The following FAAP20 variants were observed in gnomAD, a reference collection of about 807,000 sequenced individuals.
FAAP20 encodes the protein FA core complex associated protein 20, also known as Fanconi anemia core complex-associated protein 20.
A neutral mutation model predicts 16.2 loss-of-function variants in FAAP20; 12 were observed. The observed-to-expected ratio is 0.74, with a 90% CI of 0.48 to 1.20. The LOEUF (loss-of-function observed/expected upper bound fraction) is 1.20. Among genes scored for constraint, FAAP20 ranks in the 50% most tolerant of loss-of-function variants. The probability of loss-of-function intolerance (pLI) is 0.00; values close to 1 mark genes in which losing one functional copy is unlikely to be tolerated. For synonymous variants in FAAP20, 141 were observed against 110.7 expected (o/e 1.27, Z -1.72); for missense variants, 288 against 245.8 (o/e 1.17, Z -1.15).
upstream of FAAP20, among the ~76,000 whole-genome samples, chr1:2,196,513 C>T (rs1410943458): frequency 6.7e-6 from 1 of 149,584 alleles, no homozygotes; most frequent in Non-Finnish European, 1.5e-5. This position sits in a 1 kb window ranked among gnomAD's most constrained non-coding sequence, Gnocchi z 4.5. Flanking sequence ...GAGGCAAGAT[C>T]GTGCCACTGC....
chr1:2,201,153 A>C (rs1439646432), upstream of FAAP20: 3 of 1,276,518 alleles, frequency 2.4e-6, no homozygotes, highest in East Asian at 1.1e-4. Context: ...GTTTGCTTCA[A>C]CTTTCTGAGT....
At chr1:2,202,598 G>A (rs1689093316), upstream of FAAP20, among the ~76,000 whole-genome samples, 1 of 151,980 alleles carries the variant, frequency 6.6e-6, no homozygotes, top group Admixed American at 6.6e-5. Flanking sequence ...CAAGTAGCTG[G>A]GACTACAGGC....
At chr1:2,192,369 A>G (rs897137541) in intron 3 of FAAP20, 4 of 994,866 alleles carry the variant, frequency 4.0e-6, no homozygotes, top group Middle Eastern at 5.2e-4. Flanking sequence ...ACCTGACTTC[A>G]TTGACGCCTA....
upstream of FAAP20, chr1:2,194,795 C>A (rs1163256676): frequency 2.4e-4 from 260 of 1,068,412 alleles, no homozygotes; most frequent in Non-Finnish European, 2.8e-4. Context: ...CGCCCCCGCC[C>A]CTCCAGGCCC....
At chr1:2,205,057 T>TC (rs1302277548) in intron 3 of FAAP20, among the ~76,000 whole-genome samples, 2 of 39,402 alleles carry the variant, frequency 5.1e-5, no homozygotes, top group Admixed American at 5.7e-4. Context: ...TCACGCCCCG[T>TC]CCCCAAGCCC....
downstream of FAAP20, chr1:2,185,999 C>T (rs1439007965): frequency 3.2e-5 from 13 of 405,816 alleles, no homozygotes; most frequent in South Asian, 2.3e-4. Context: ...TCTCCGTCCA[C>T]CCACCCCTCA....
chr1:2,196,088 G>A (rs372821783), upstream of FAAP20, among the ~76,000 whole-genome samples: 10 of 152,284 alleles, frequency 6.6e-5, no homozygotes, highest in African/African-American at 2.2e-4. The surrounding 1 kb of genome is among the most constrained non-coding windows in gnomAD (Gnocchi z 4.5). Context: ...GCAGCCCCAC[G>A]TCCACCACAT....
chr1:2,206,081 C>T (rs1689248786), intron 3 of FAAP20, among the ~76,000 whole-genome samples: 1 of 152,250 alleles, frequency 6.6e-6, no homozygotes, highest in African/African-American at 2.4e-5. Context: ...GCCACTCTAG[C>T]ATGGGAGGGG....
Position 2,205,180 on chromosome 1 carries a change from C to T in FAAP20, n.451+1125G>A, listed in dbSNP as rs1176162158. ...CCCCGGGCTCCCCCCACGCCCCGCC[C>T]CTCTTTCCGGCCCCCTACGCCCCGC... On this transcript the variant is annotated intron_variant and non_coding_transcript_variant, in intron 3 of 7. Transcript: ENST00000469733. Among the ~76,000 whole-genome samples the T allele has an allele frequency of 5.6e-5, 2 of 35,764 alleles. 1 individual carries two copies. Among genetic ancestry groups the T allele is most frequent in the African/African-American group, 2.6e-4 (2 of 7,820 alleles). 23.5% of individuals were successfully genotyped at this position (35,764 alleles called of 152,430 possible).
chr1:2,211,724 C>T (rs1488983993), downstream of FAAP20, among the ~76,000 whole-genome samples: 3 of 151,466 alleles, frequency 2.0e-5, no homozygotes, highest in South Asian at 2.1e-4. Flanking sequence ...GCTGGGATTA[C>T]AGGCATGAGC....
At chr1:2,203,332 T>G, upstream of FAAP20, 2 of 807,230 alleles carry the variant, frequency 2.5e-6, no homozygotes, top group Non-Finnish European at 3.0e-6. Flanking sequence ...GGCTTCTCCA[T>G]AGTGGGGCAG....
chr1:2,208,435 C>T (rs75276800), downstream of FAAP20, among the ~76,000 whole-genome samples: 504 of 152,344 alleles, frequency 3.3e-3, 22 homozygotes, highest in East Asian at 0.09. Flanking sequence ...CAGTTGTCCA[C>T]GGGCCCTTCC....
Position 2,194,671 on chromosome 1 carries a change from C to T in FAAP20, c.62+17G>A, listed in dbSNP as rs1044811969. The stretch of plus-strand genomic sequence containing the variant: ...GCGGGAAAACCGGCCGCGCCCCCGC[C>T]CGGCTCCCGGCCTCACCCGCCCGCC... On this transcript the variant is annotated intron_variant, in intron 1 of 3. Coordinates refer to ENST00000378546, the MANE Select transcript of FAAP20 (RefSeq NM_182533.4). The T allele has an allele frequency of 1.7e-4, 193 of 1,141,630 alleles. No individual in the cohort carries two copies. The highest frequency in any genetic ancestry group is 2.0e-4 in the Non-Finnish European group (184 of 930,492). 70.7% of individuals were successfully genotyped at this position (1,141,630 alleles called of 1,614,324 possible). A position where few individuals can be genotyped will look rare whatever the true frequency, so the allele number is the denominator to read the frequency against.
At chr1:2,187,180 T>C (rs1164762251), downstream of FAAP20, 2 of 471,630 alleles carry the variant, frequency 4.2e-6, no homozygotes, top group Non-Finnish European at 4.4e-6. Context: ...GCCAGGGTCA[T>C]TCAAAGTCTT....
Position 2,193,783 on chromosome 1 carries a change from C to T in FAAP20, c.326G>A (p.Gly109Glu). The change falls in exon 3 of 4, where the codon GGG becomes GAG. Residue 109 changes from glycine to glutamate, a missense_variant. Transcript: ENST00000378546. ...GGACCTGGCGGGGGATTCCAGGTGCCCTCCTGCCCCGTGAAGCAGCCGGTA... is the reference window on the plus strand; with the variant it reads ...GGACCTGGCGGGGGATTCCAGGTGCTCTCCTGCCCCGTGAAGCAGCCGGTA... ...RSYRLLHGAG[G>E]HLESPARSLP... 2 of 1,595,654 alleles carry T rather than the reference C, an allele frequency of 1.3e-6. No individual in the cohort carries two copies. The highest frequency in any genetic ancestry group is 1.7e-6 in the Non-Finnish European group (2 of 1,174,854).
rs768406324 is a variant in FAAP20, at chr1:2,189,798, ACACT to A, written c.471-21_471-18del. The A allele has an allele frequency of 3.1e-5, 49 of 1,599,796 alleles. No homozygotes were observed. Among genetic ancestry groups the A allele is most frequent in the Non-Finnish European group, 4.1e-5 (48 of 1,168,050 alleles). On this transcript the variant is annotated intron_variant, in intron 3 of 3. Transcript: ENST00000378546. ...TGGGTCAGCCTGCAAGGGAGGGGCCACACTCACTCGGCCACCTCCGCGGCATGCT... is the reference window on the plus strand; with the variant it reads ...TGGGTCAGCCTGCAAGGGAGGGGCCACACTCGGCCACCTCCGCGGCATGCT...
chr1:2,194,854 C>G (rs1291865922), upstream of FAAP20: 13 of 1,024,050 alleles, frequency 1.3e-5, no homozygotes, highest in African/African-American at 3.4e-5. Context: ...AGGCCGCCCC[C>G]CTCCGAGACA....
At chr1:2,191,905 A>G in intron 3 of FAAP20, 1 of 985,404 alleles carries the variant, frequency 1.0e-6, no homozygotes, top group Non-Finnish European at 1.2e-6. Flanking sequence ...TCCAAATAGG[A>G]CCACAAGAAG....
chr1:2,192,598 C>G (rs1055006596), intron 3 of FAAP20: 11 of 1,082,496 alleles, frequency 1.0e-5, no homozygotes, highest in Non-Finnish European at 1.1e-5. Context: ...GCATGGATTT[C>G]TCCCCAGGGC....
Sources: gnomAD v4.1 joint callset for allele counts (sites outside exome capture counted in the v4.1 genomes callset) on GRCh38, gnomAD v4.1.1 for gene constraint, Gnocchi (gnomAD v3.1) non-coding constraint, MANE v1.5 for transcripts, NCBI Gene and HGNC (gene_info 2026-07-23, HGNC 2026-07-21) for gene names.